The following SETBP1 variants were observed in gnomAD, a reference collection of about 807,000 sequenced individuals.
SETBP1 encodes SET-binding protein.
SETBP1 carries 9 observed loss-of-function variants against 101.0 expected under a neutral mutation model. The ratio of observed to expected loss-of-function variants is 0.09; its 90% confidence interval spans 0.05 to 0.16. The LOEUF (loss-of-function observed/expected upper bound fraction) is 0.16. Among genes scored for constraint, SETBP1 ranks in the 10% least tolerant of loss-of-function variants. The pLI is 1.00. For synonymous variants in SETBP1, 818 were observed against 788.5 expected, an observed-to-expected ratio of 1.04 and a Z score of -0.63; for missense variants, 1,858 against 2,033.8, an observed-to-expected ratio of 0.91 and a Z score of 1.66.
At chr18:44,700,223 C>T (rs1253703477) in intron 1 of SETBP1, among the ~76,000 whole-genome samples, 1 of 152,076 alleles carries the variant, frequency 6.6e-6, no homozygotes. Context: ...TTAGCTGATC[C>T]TGTGACAGTT....
chr18:45,016,942 C>T (rs17795426), intron 4 of SETBP1, among the ~76,000 whole-genome samples: 6,893 of 152,132 alleles, frequency 0.045, 177 homozygotes, highest in South Asian at 0.096. Context: ...TTCACGGCTG[C>T]GTGGAAGTGT....
chr18:44,939,698 A>G (rs928763503), intron 3 of SETBP1, among the ~76,000 whole-genome samples: 3 of 152,206 alleles, frequency 2.0e-5, no homozygotes, highest in African/African-American at 7.2e-5. Flanking sequence ...CAGTTGCTCC[A>G]GATCCTTGTC....
intron 2 of SETBP1, among the ~76,000 whole-genome samples, chr18:44,751,668 T>G (rs1220795333): frequency 1.3e-5 from 2 of 152,246 alleles, no homozygotes; most frequent in African/African-American, 4.8e-5. Context: ...TTTTTCGTAT[T>G]TCTCAAAGTG....
chr18:45,010,458 A>G (rs2072815548), intron 4 of SETBP1, among the ~76,000 whole-genome samples: 1 of 152,244 alleles, frequency 6.6e-6, no homozygotes, highest in African/African-American at 2.4e-5. Context: ...ACTTCTTAGG[A>G]ACTTGACAGT....
intron 4 of SETBP1, among the ~76,000 whole-genome samples, chr18:44,962,419 T>C (rs1009421563): frequency 2.0e-5 from 3 of 152,072 alleles, no homozygotes; most frequent in Non-Finnish European, 4.4e-5. Flanking sequence ...GAAGATACAA[T>C]TGATGCTCAG....
intron 1 of SETBP1, among the ~76,000 whole-genome samples, chr18:44,687,498 GA>G (rs2068858223): frequency 6.6e-6 from 1 of 152,168 alleles, no homozygotes; most frequent in Non-Finnish European, 1.5e-5. Flanking sequence ...TAGAACAGTG[GA>G]GTCAGTCTTG....
intron 2 of SETBP1, among the ~76,000 whole-genome samples, chr18:44,816,686 G>A (rs2071986487): frequency 6.6e-6 from 1 of 152,130 alleles, no homozygotes; most frequent in Admixed American, 6.5e-5. Context: ...CCTGTCAGAG[G>A]CCTGTGTTCA....
chr18:44,701,207 G>T lies in SETBP1; in HGVS notation c.-140G>T, dbSNP rs537369610. On this transcript the variant is annotated 5_prime_UTR_variant, in exon 2 of 6. Coordinates refer to ENST00000649279, the MANE Select transcript of SETBP1 (RefSeq NM_015559.3). ...TCTGATCTCTTCTGAACACCTCATC[G>T]TGTCTCCATCCCTGGGAATCTGACC... 1.2e-6 allele frequency: 1 copy of T among 864,224 alleles called. No homozygotes were observed. 53.5% of individuals were successfully genotyped at this position (864,224 alleles called of 1,614,324 possible).
In SETBP1 at chr18:44,777,915, C is replaced by T. The variant is rs79101478; in HGVS notation, c.486+76083C>T. ...AGTACTTTCTGTGCAAAAGCAGAGA[C>T]GGGGAGCCGCCTTCCCATTTCTGAA... On this transcript the variant is annotated intron_variant, in intron 2 of 5. Coordinates refer to ENST00000649279, the MANE Select transcript of SETBP1 (RefSeq NM_015559.3). Among the ~76,000 whole-genome samples, 324 of 152,318 alleles carry T rather than the reference C, an allele frequency of 2.1e-3. 3 individuals are homozygous for T. In the East Asian group the frequency reaches 0.033, roughly 16 times the overall value.
chr18:44,858,695 T>C (rs886251933), intron 2 of SETBP1, among the ~76,000 whole-genome samples: 3 of 152,214 alleles, frequency 2.0e-5, no homozygotes, highest in Admixed American at 2.0e-4. Context: ...GCTGTCCAGC[T>C]CCTTCATTCT....
intron 2 of SETBP1, among the ~76,000 whole-genome samples, chr18:44,845,937 G>T (rs2072715916): frequency 6.6e-6 from 1 of 152,208 alleles, no homozygotes. Context: ...AACTGGCTTT[G>T]TGTGACGCTG....
In SETBP1 at chr18:44,807,680, G is replaced by A. The variant is rs1039070681; in HGVS notation, c.487-61550G>A. 4.6e-5 allele frequency among the ~76,000 whole-genome samples: 7 copies of A among 152,126 alleles called. 1 individual carries two copies. Among genetic ancestry groups the A allele is most frequent in the South Asian group, 4.1e-4 (2 of 4,828 alleles). ...TTTTTCAATTATTCCTGTTGTAAGGGAACTAGTAGGATCTTCATTTCTAGA... is the reference window on the plus strand; with the variant it reads ...TTTTTCAATTATTCCTGTTGTAAGGAAACTAGTAGGATCTTCATTTCTAGA... On this transcript the variant is annotated intron_variant, in intron 2 of 5. Coordinates refer to ENST00000649279, the MANE Select transcript of SETBP1 (RefSeq NM_015559.3).
chr18:44,828,259 C>T (rs1483158353), intron 2 of SETBP1, among the ~76,000 whole-genome samples: 2 of 152,020 alleles, frequency 1.3e-5, no homozygotes, highest in Non-Finnish European at 2.9e-5. Flanking sequence ...TAGGAAGTTC[C>T]GTTATGTTGA....
chr18:44,995,376 C>T (rs767458280), intron 4 of SETBP1, among the ~76,000 whole-genome samples: 9 of 151,994 alleles, frequency 5.9e-5, no homozygotes, highest in South Asian at 4.2e-4. Context: ...CTCCTGACTT[C>T]GTGATCTGCC....
At chr18:44,814,416 A>T (rs8088688) in intron 2 of SETBP1, among the ~76,000 whole-genome samples, 22,212 of 152,042 alleles carry the variant, frequency 0.15, 2,524 homozygotes, top group African/African-American at 0.32. Context: ...CTGATTTTTT[A>T]AAAATTGAAT....
At chr18:44,917,191 C>T (rs1322462539) in intron 3 of SETBP1, among the ~76,000 whole-genome samples, 3 of 152,206 alleles carry the variant, frequency 2.0e-5, no homozygotes, top group Non-Finnish European at 4.4e-5. Flanking sequence ...ATAGCGTGCA[C>T]CAGGATGCCT....
chr18:44,999,007 T>A (rs1384587068), intron 4 of SETBP1, among the ~76,000 whole-genome samples: 1 of 152,216 alleles, frequency 6.6e-6, no homozygotes, highest in African/African-American at 2.4e-5. Context: ...ACCGTCTGGT[T>A]CTTATGTAAC....
chr18:45,016,525 G>A (rs1343243418), intron 4 of SETBP1, among the ~76,000 whole-genome samples: 2 of 152,138 alleles, frequency 1.3e-5, no homozygotes, highest in Non-Finnish European at 2.9e-5. Flanking sequence ...GTATTAGCCT[G>A]ATGTTGTTTA....
At chr18:44,907,957 G>A (rs2070214184) in intron 3 of SETBP1, among the ~76,000 whole-genome samples, 1 of 152,130 alleles carries the variant, frequency 6.6e-6, no homozygotes. Flanking sequence ...GAAATTGATA[G>A]CTTTAGCTCT....
Sources: allele counts gnomAD v4.1 joint callset (sites outside exome capture counted in the v4.1 genomes callset), GRCh38; gene constraint gnomAD v4.1.1; transcripts MANE v1.5; gene names NCBI Gene and HGNC (gene_info 2026-07-23, HGNC 2026-07-21).